Variants in PAK1 observed in about 807,000 individuals in gnomAD.
PAK1 encodes serine/threonine-protein kinase PAK 1.
PAK1 carries 29 observed loss-of-function variants against 67.4 expected under a neutral mutation model. The ratio of observed to expected loss-of-function variants is 0.43; its 90% confidence interval spans 0.32 to 0.59. PAK1 has a LOEUF of 0.59. Among genes scored for constraint, PAK1 ranks in the 20% least tolerant of loss-of-function variants. The pLI, the probability that PAK1 is intolerant of heterozygous loss-of-function variation, is 0.07. For missense variants in PAK1, 337 were observed against 670.7 expected (o/e 0.50, Z 5.50); for synonymous variants, 223 against 237.4 (o/e 0.94, Z 0.56).
At position 77,358,988 on chromosome 11, in the gene PAK1, T is replaced by C; in HGVS notation, c.507A>G (p.Ala169=). 1 of 1,612,876 alleles carries C rather than the reference T, an allele frequency of 6.2e-7. No homozygotes were observed. Among genetic ancestry groups the C allele is most frequent in the Non-Finnish European group, 8.5e-7 (1 of 1,179,076 alleles). Residue 169 remains alanine (A), a synonymous_variant, in exon 6 of 15, where the codon GCA becomes GCG. Coordinates refer to ENST00000356341, the MANE Select transcript of PAK1 (RefSeq NM_002576.5). The stretch of plus-strand genomic sequence containing the variant: ...CCTCATCTTCTGAAACTGGTGGCAC[T>C]GCAGGAGTCTCAGACACAGCCTTCA... The part of the protein sequence containing the change: ...LNVKAVSETP[A]VPPVSEDEDD...
chr11:77,421,157 C>A (rs899637888), intron 1 of PAK1, among the ~76,000 whole-genome samples: 7 of 152,182 alleles, frequency 4.6e-5, no homozygotes, highest in Non-Finnish European at 7.4e-5. Flanking sequence ...CCTCATCTCA[C>A]CCTGCTACTT....
chr11:77,478,772 C>CTT (rs1470355600), upstream of PAK1, among the ~76,000 whole-genome samples: 1 of 147,074 alleles, frequency 6.8e-6, no homozygotes, highest in African/African-American at 2.5e-5. Flanking sequence ...GAGTGAGAGT[C>CTT]AACATTTAAA....
intron 1 of PAK1, among the ~76,000 whole-genome samples, chr11:77,430,616 G>C (rs1955815356): frequency 6.6e-6 from 1 of 152,164 alleles, no homozygotes; most frequent in Non-Finnish European, 1.5e-5. Flanking sequence ...TTACCAAAGG[G>C]CAGAAAAATA....
the PAK1 span, among the ~76,000 whole-genome samples, chr11:77,490,057 C>T: frequency 3.4e-5 from 5 of 148,942 alleles, no homozygotes; most frequent in South Asian, 4.3e-4. Context: ...CGTCTCTGCC[C>T]GGCCGCCCAT....
intron 1 of PAK1, among the ~76,000 whole-genome samples, chr11:77,405,670 GACAGACACACACACACACAC>G (rs1953414153): frequency 1.6e-5 from 2 of 125,582 alleles, no homozygotes; most frequent in Non-Finnish European, 3.3e-5. Context: ...CAGACAGACA[GACAGACACACACACACACAC>G]ACACACACAC....
the PAK1 span, among the ~76,000 whole-genome samples, chr11:77,489,687 G>A: frequency 6.6e-6 from 1 of 151,594 alleles, no homozygotes; most frequent in Non-Finnish European, 1.5e-5. Context: ...CTAACCGCGA[G>A]TGATCCGCCA....
At chr11:77,403,323 G>A (rs928094615) in intron 1 of PAK1, among the ~76,000 whole-genome samples, 7 of 152,012 alleles carry the variant, frequency 4.6e-5, no homozygotes, top group African/African-American at 1.2e-4. Flanking sequence ...ATCATTCTAG[G>A]TGACTTCAAC....
chr11:77,344,168 T>G (rs1397815385), intron 9 of PAK1, among the ~76,000 whole-genome samples: 2 of 152,198 alleles, frequency 1.3e-5, no homozygotes, highest in African/African-American at 4.8e-5. Flanking sequence ...ACCCCAAATC[T>G]ACTAAATCAG....
intron 1 of PAK1, among the ~76,000 whole-genome samples, chr11:77,447,323 T>C (rs1461113730): frequency 1.3e-5 from 2 of 152,170 alleles, no homozygotes; most frequent in Admixed American, 6.5e-5. Context: ...TCTGATTCTA[T>C]AGCTCTGAAA....
At chr11:77,471,920 G>C (rs1565727621) in intron 1 of PAK1, among the ~76,000 whole-genome samples, 2 of 152,128 alleles carry the variant, frequency 1.3e-5, no homozygotes, top group South Asian at 2.1e-4. Flanking sequence ...TTCCCTGCAG[G>C]ACTCACTTTG....
rs140704224 is a variant in PAK1 at position 77,363,672 on chromosome 11, T to C, written c.478-4655A>G. ...ACAGCCCAGAATAATCTGTCCTTTA[T>C]CTTTTTAAAAATATTATAAGCAGAC... On this transcript the variant is annotated intron_variant, in intron 5 of 14. Transcript: ENST00000356341. Among the ~76,000 whole-genome samples the C allele has an allele frequency of 3.2e-3, 486 of 152,300 alleles. 2 individuals carry two copies. Among genetic ancestry groups the C allele is most frequent in the Non-Finnish European group, 5.7e-3 (386 of 68,034 alleles).
the PAK1 span, among the ~76,000 whole-genome samples, chr11:77,509,109 T>C: frequency 2.0e-5 from 3 of 151,376 alleles, no homozygotes; most frequent in Non-Finnish European, 4.4e-5. Flanking sequence ...ATACAAAAAA[T>C]TAGCTGGGTG....
At chr11:77,507,930 G>T in the PAK1 span, among the ~76,000 whole-genome samples, 1 of 152,056 alleles carries the variant, frequency 6.6e-6, no homozygotes, top group African/African-American at 2.4e-5. Context: ...GCATCTATAT[G>T]CATTTGTGTA....
the PAK1 span, among the ~76,000 whole-genome samples, chr11:77,529,666 A>G: frequency 1.3e-5 from 2 of 152,338 alleles, no homozygotes; most frequent in East Asian, 3.9e-4. Flanking sequence ...CAGGAAAGAG[A>G]CACTCCCAGA....
At chr11:77,328,301 G>A (rs1451937005) in intron 14 of PAK1, among the ~76,000 whole-genome samples, 1 of 152,126 alleles carries the variant, frequency 6.6e-6, no homozygotes, top group East Asian at 1.9e-4. Flanking sequence ...GACATCTACA[G>A]AACTCTCCAC....
intron 1 of PAK1, among the ~76,000 whole-genome samples, chr11:77,397,619 G>A (rs1952008306): frequency 1.3e-5 from 2 of 152,230 alleles, no homozygotes; most frequent in Admixed American, 1.3e-4. Flanking sequence ...GCCACTGTGT[G>A]TAAGGTACTT....
intron 5 of PAK1, among the ~76,000 whole-genome samples, chr11:77,370,775 A>G (rs1326120914): frequency 1.3e-5 from 2 of 152,248 alleles, no homozygotes; most frequent in Non-Finnish European, 2.9e-5. Flanking sequence ...AGATGGGCAC[A>G]TGAATTCAGT....
In PAK1 at chr11:77,355,816, T is replaced by G; in HGVS notation, c.624A>C (p.Pro208=). ...CGTCCCGAGTTGGAGTGACAGGAAG[T>G]GGTTCAATCACAGACCGTGTGTATA... is the stretch of plus-strand genomic sequence containing the variant. The part of the protein sequence containing the change: ...KSVYTRSVIE[P]LPVTPTRDVA... Residue 208 remains proline (P), a synonymous_variant, in exon 7 of 15, where the codon CCA becomes CCC. Transcript: ENST00000356341. The G allele has an allele frequency of 6.2e-7, 1 of 1,613,690 alleles. No individual in the cohort carries two copies. Among genetic ancestry groups the G allele is most frequent in the South Asian group, 1.1e-5 (1 of 91,082 alleles).
chr11:77,325,741 G>A (rs1939661273), intron 14 of PAK1, among the ~76,000 whole-genome samples: 2 of 152,230 alleles, frequency 1.3e-5, no homozygotes, highest in South Asian at 4.2e-4. Context: ...AGACTAATGG[G>A]TTATACTTGG....
Sources: allele counts gnomAD v4.1 joint callset (sites outside exome capture counted in the v4.1 genomes callset), GRCh38; gene constraint gnomAD v4.1.1; transcripts MANE v1.5; gene names NCBI Gene and HGNC (gene_info 2026-07-23, HGNC 2026-07-21).